NELL1: variants seen among roughly 807,000 people sequenced by gnomAD.
NELL1 encodes the protein protein kinase C-binding protein NELL1.
NELL1 carries 76 observed loss-of-function variants against 107.4 expected under a neutral mutation model. That is an observed-to-expected ratio of 0.71 (90% confidence interval 0.59 to 0.86). NELL1 has a LOEUF of 0.86. Ranked by LOEUF, NELL1 falls within the 40% of genes least tolerant of loss-of-function variation. The pLI, the probability that NELL1 is intolerant of heterozygous loss-of-function variation, is 0.00. For synonymous variants in NELL1, 353 were observed against 341.2 expected (o/e 1.03, Z -0.38); for missense variants, 1,024 against 1,005.5 (o/e 1.02, Z -0.25).
At chr11:20,965,022 G>T (rs540868813) in intron 12 of NELL1, among the ~76,000 whole-genome samples, 1 of 152,078 alleles carries the variant, frequency 6.6e-6, no homozygotes, top group Non-Finnish European at 1.5e-5. Flanking sequence ...GTAAGCCTAC[G>T]ATATGTCTCC....
intron 11 of NELL1, 72 bp downstream of exon 11, chr11:20,947,507 T>C: frequency 9.4e-7 from 1 of 1,063,256 alleles, no homozygotes; most frequent in Non-Finnish European, 1.5e-6. Context: ...GAGATTTTAA[T>C]GAATAGTATG....
intron 14 of NELL1, among the ~76,000 whole-genome samples, chr11:21,314,250 A>T (rs546513756): frequency 6.6e-6 from 1 of 152,240 alleles, no homozygotes; most frequent in East Asian, 1.9e-4. Flanking sequence ...TGGCCCAATC[A>T]CTTTTAAATA....
At chr11:20,970,320 C>T (rs934474352) in intron 12 of NELL1, among the ~76,000 whole-genome samples, 1 of 152,078 alleles carries the variant, frequency 6.6e-6, no homozygotes, top group East Asian at 1.9e-4. Context: ...AGGGTCAGGC[C>T]CAGAGTCTTG....
intron 2 of NELL1, among the ~76,000 whole-genome samples, chr11:20,727,541 T>C (rs890312833): frequency 6.6e-6 from 1 of 152,220 alleles, no homozygotes; most frequent in Admixed American, 6.5e-5. Flanking sequence ...TCCCATTCTG[T>C]AGGTTGCCTG....
chr11:21,389,681 G>A (rs539296249), intron 15 of NELL1, among the ~76,000 whole-genome samples: 8 of 151,756 alleles, frequency 5.3e-5, no homozygotes, highest in African/African-American at 1.9e-4. Flanking sequence ...AGACTATAAG[G>A]CCTGTTTGTG....
At chr11:21,052,412 A>G (rs1188374631) in intron 12 of NELL1, among the ~76,000 whole-genome samples, 1 of 152,078 alleles carries the variant, frequency 6.6e-6, no homozygotes, top group Non-Finnish European at 1.5e-5. Context: ...AGAAAAATCC[A>G]AGAAGAGATG....
chr11:21,294,407 C>T (rs903407788), intron 14 of NELL1, among the ~76,000 whole-genome samples: 5 of 151,958 alleles, frequency 3.3e-5, no homozygotes, highest in African/African-American at 1.2e-4. Flanking sequence ...TCATATGTAC[C>T]TTGAGAGTAG....
intron 13 of NELL1, among the ~76,000 whole-genome samples, chr11:21,191,078 A>G (rs1857039229): frequency 1.3e-5 from 2 of 151,872 alleles, no homozygotes; most frequent in South Asian, 4.1e-4. Flanking sequence ...GCTATGTGTT[A>G]CTGTGGTAGG....
rs570020746 is a variant in NELL1, at chr11:21,573,541, T to C, written c.2382+132T>C. On this transcript the variant is annotated intron_variant, in intron 19 of 19. Transcript: ENST00000357134. ...GGAAACTCTGGCATACATTTACTTC[T>C]CATAGGAATTTAATATGTATGAATA... The C allele has an allele frequency of 3.1e-5, 24 of 764,520 alleles. No homozygotes were observed. In the South Asian group the frequency reaches 4.1e-4, roughly 13 times the overall value. 47.4% of individuals were successfully genotyped at this position (764,520 alleles called of 1,614,324 possible).
chr11:21,054,954 AAGTC>A (rs1259045067), intron 12 of NELL1, among the ~76,000 whole-genome samples: 1 of 151,992 alleles, frequency 6.6e-6, no homozygotes, highest in Non-Finnish European at 1.5e-5. Flanking sequence ...TATAATTTGA[AAGTC>A]AGTCCTCACT....
intron 2 of NELL1, among the ~76,000 whole-genome samples, chr11:20,699,363 CT>C: frequency 1.3e-5 from 2 of 151,680 alleles, no homozygotes; most frequent in South Asian, 4.2e-4. Context: ...TTTTCTTTTT[CT>C]TTTTCTTTTT....
At chr11:20,700,919 T>C (rs1352344710) in intron 2 of NELL1, among the ~76,000 whole-genome samples, 1 of 152,228 alleles carries the variant, frequency 6.6e-6, no homozygotes, top group African/African-American at 2.4e-5. Context: ...TGATGGACAT[T>C]TGGGTCAGTT....
chr11:20,988,305 T>C (rs1851893072), intron 12 of NELL1, among the ~76,000 whole-genome samples: 1 of 151,914 alleles, frequency 6.6e-6, no homozygotes, highest in Admixed American at 6.6e-5. Context: ...TAAATTTAAT[T>C]CCACAAGACC....
rs10707524 is a variant in NELL1 at position 20,876,608 on chromosome 11, CA to C, written c.507-8829del. Reference sequence around the variant, plus strand: ...TGAAACCCGGTCTCTACTAAAAATACAAAAAAATTAGCTGGGCGCAGTGGCG... The same window carrying C: ...TGAAACCCGGTCTCTACTAAAAATACAAAAAATTAGCTGGGCGCAGTGGCG... On this transcript the variant is annotated intron_variant, in intron 4 of 19. Transcript: ENST00000357134. Among the ~76,000 whole-genome samples, 1,308 of 152,086 alleles carry C rather than the reference CA, an allele frequency of 8.6e-3. 17 individuals are homozygous for C. The highest frequency in any genetic ancestry group is 0.03 in the African/African-American group (1,243 of 41,468).
intron 16 of NELL1, among the ~76,000 whole-genome samples, chr11:21,554,187 A>G (rs1162283765): frequency 1.3e-5 from 2 of 151,900 alleles, no homozygotes; most frequent in African/African-American, 4.8e-5. Context: ...TGACTTGTTC[A>G]TAGCAGAAAG....
rs76751040 is a variant in NELL1, at chr11:21,451,327, T to C, written c.1645+80379T>C. Reference sequence around the variant, plus strand: ...TTCTGATTTAATCTTTTGAATAACATAGCAGGGCTGATGTGTTGTTTGCAG... The same window carrying C: ...TTCTGATTTAATCTTTTGAATAACACAGCAGGGCTGATGTGTTGTTTGCAG... On this transcript the variant is annotated intron_variant, in intron 15 of 19. Coordinates refer to ENST00000357134, the MANE Select transcript of NELL1 (RefSeq NM_006157.5). 0.021 allele frequency among the ~76,000 whole-genome samples: 3,171 copies of C among 152,230 alleles called. 286 individuals carry two copies. The East Asian group carries it at 0.29, about 14-fold the overall frequency.
chr11:20,942,250 C>T (rs1850870723), intron 10 of NELL1, among the ~76,000 whole-genome samples: 1 of 152,196 alleles, frequency 6.6e-6, no homozygotes, highest in Admixed American at 6.5e-5. Flanking sequence ...CTTCCTTGAA[C>T]CTCCCTATTT....
intron 14 of NELL1, among the ~76,000 whole-genome samples, chr11:21,324,240 C>G (rs924125637): frequency 2.0e-5 from 3 of 152,030 alleles, no homozygotes; most frequent in African/African-American, 7.2e-5. Flanking sequence ...TTTCCCAATT[C>G]ATTTAGCTAG....
At chr11:21,006,964 T>A (rs932395886) in intron 12 of NELL1, among the ~76,000 whole-genome samples, 103 of 152,260 alleles carry the variant, frequency 6.8e-4, no homozygotes, top group African/African-American at 2.5e-3. Flanking sequence ...TAACTTTGTA[T>A]GGATATCTAC....
Sources: gnomAD v4.1 joint callset for allele counts (sites outside exome capture counted in the v4.1 genomes callset) on GRCh38, gnomAD v4.1.1 for gene constraint, MANE v1.5 for transcripts, NCBI Gene and HGNC (gene_info 2026-07-23, HGNC 2026-07-21) for gene names.